ACYP2: variants seen among roughly 807,000 people sequenced by gnomAD.
ACYP2 encodes the protein acylphosphatase 2.
A neutral mutation model predicts 11.2 loss-of-function variants in ACYP2; 12 were observed. That is an observed-to-expected ratio of 1.08 (90% confidence interval 0.69 to 1.74). The LOEUF (loss-of-function observed/expected upper bound fraction) is 1.74. Among genes scored for constraint, ACYP2 ranks in the 40% most tolerant of loss-of-function variants. The pLI is 0.00. For missense variants in ACYP2, 134 were observed against 101.9 expected (o/e 1.31, Z -1.35); for synonymous variants, 43 against 32.2 (o/e 1.33, Z -1.13).
chr2:54,278,843 C>A (rs1688727059), intron 6 of ACYP2, among the ~76,000 whole-genome samples: 1 of 152,158 alleles, frequency 6.6e-6, no homozygotes, highest in Non-Finnish European at 1.5e-5. Flanking sequence ...TAAATAATGT[C>A]AGTATATAGA....
At chr2:54,271,340 C>T (rs780508191) in intron 6 of ACYP2, among the ~76,000 whole-genome samples, 1 of 152,220 alleles carries the variant, frequency 6.6e-6, no homozygotes, top group Non-Finnish European at 1.5e-5. Flanking sequence ...AGATTTAAGA[C>T]TTCCCCAATT....
intron 6 of ACYP2, among the ~76,000 whole-genome samples, chr2:54,257,379 T>G (rs917981251): frequency 1.3e-5 from 2 of 152,192 alleles, no homozygotes; most frequent in African/African-American, 4.8e-5. Context: ...TCTTTCCCCA[T>G]GCATAGGTTT....
intron 2 of ACYP2, among the ~76,000 whole-genome samples, chr2:54,005,745 G>A (rs1015742039): frequency 1.3e-5 from 2 of 152,200 alleles, no homozygotes; most frequent in Non-Finnish European, 2.9e-5. Flanking sequence ...GTAAAGTCTT[G>A]AAATCAGGTA....
chr2:54,217,760 G>GT (rs1360011770), intron 6 of ACYP2, among the ~76,000 whole-genome samples: 1 of 152,164 alleles, frequency 6.6e-6, no homozygotes, highest in Non-Finnish European at 1.5e-5. Context: ...TTAAAAAAAA[G>GT]TAAGAGTATT....
intron 4 of ACYP2, chr2:54,065,591 A>G (rs1415183782): frequency 2.5e-6 from 1 of 398,388 alleles, no homozygotes; most frequent in South Asian, 1.3e-4. Context: ...TTGATTCAAC[A>G]GATCCCTGGG....
chr2:54,063,131 T>C (rs1676558108), intron 4 of ACYP2, among the ~76,000 whole-genome samples: 1 of 151,838 alleles, frequency 6.6e-6, no homozygotes, highest in African/African-American at 2.4e-5. Context: ...AAAATAATAA[T>C]AATAATTTAT....
chr2:54,205,616 A>G (rs914070564), intron 6 of ACYP2, among the ~76,000 whole-genome samples: 1 of 152,178 alleles, frequency 6.6e-6, no homozygotes, highest in African/African-American at 2.4e-5. Flanking sequence ...GATGGTAAAG[A>G]CCCATCTCTT....
At chr2:54,106,389 T>C (rs1572765185) in intron 4 of ACYP2, among the ~76,000 whole-genome samples, 1 of 152,004 alleles carries the variant, frequency 6.6e-6, no homozygotes, top group South Asian at 2.1e-4. Flanking sequence ...TGAGTAAGGA[T>C]GAAAAGTAAA....
At chr2:53,982,335 A>G (rs1332658913) in intron 2 of ACYP2, among the ~76,000 whole-genome samples, 1 of 152,212 alleles carries the variant, frequency 6.6e-6, no homozygotes, top group Non-Finnish European at 1.5e-5. Flanking sequence ...ACAGACACAT[A>G]AAAGGTATAA....
chr2:54,168,934 GA>G (rs1683119255), intron 6 of ACYP2, among the ~76,000 whole-genome samples: 1 of 152,182 alleles, frequency 6.6e-6, no homozygotes, highest in Non-Finnish European at 1.5e-5. Context: ...CAACTGAGGT[GA>G]AACACTGGTA....
At chr2:54,193,451 G>A (rs944034203) in intron 6 of ACYP2, among the ~76,000 whole-genome samples, 1 of 152,122 alleles carries the variant, frequency 6.6e-6, no homozygotes, top group African/African-American at 2.4e-5. Flanking sequence ...GCTGGGATGA[G>A]CTCCCAGAGC....
chr2:54,041,859 C>T (rs911493070), intron 2 of ACYP2, among the ~76,000 whole-genome samples: 1 of 152,044 alleles, frequency 6.6e-6, no homozygotes, highest in Non-Finnish European at 1.5e-5. Flanking sequence ...GGCACGATCA[C>T]AGCTCACTGC....
intron 6 of ACYP2, among the ~76,000 whole-genome samples, chr2:54,278,520 C>T (rs1005154973): frequency 3.3e-5 from 5 of 152,066 alleles, no homozygotes; most frequent in African/African-American, 9.7e-5. Flanking sequence ...CCTGGCTCAG[C>T]GAGTTGGAAT....
intron 5 of ACYP2, among the ~76,000 whole-genome samples, chr2:54,136,687 G>A (rs1364558448): frequency 6.6e-6 from 1 of 152,074 alleles, no homozygotes; most frequent in African/African-American, 2.4e-5. Flanking sequence ...TTTTTGAAAA[G>A]TTCTAAGGCC....
chr2:54,039,403 C>T lies in ACYP2; in HGVS notation c.63-11555C>T, dbSNP rs1036853438. Among the ~76,000 whole-genome samples the T allele has an allele frequency of 1.1e-4, 17 of 151,774 alleles. No homozygotes were observed. In the East Asian group the frequency reaches 3.1e-3, roughly 28 times the overall value. On this transcript the variant is annotated intron_variant, in intron 2 of 6. Coordinates refer to ENST00000607452, the MANE Select transcript of ACYP2 (RefSeq NM_001320586.2). ...GCCTCCCAGGCTCAAGCGATCCTCC[C>T]GCCTCAGCCTCCCTAGTAGCTGGGA...
At chr2:54,127,790 C>T (rs1075265) in intron 4 of ACYP2, among the ~76,000 whole-genome samples, 3 of 149,360 alleles carry the variant, frequency 2.0e-5, no homozygotes, top group Non-Finnish European at 2.9e-5. Context: ...AATTTCATCA[C>T]CTGGAAGGAA....
chr2:54,116,036 A>T (rs952163189), intron 4 of ACYP2, among the ~76,000 whole-genome samples: 9 of 152,182 alleles, frequency 5.9e-5, no homozygotes, highest in African/African-American at 2.2e-4. Flanking sequence ...TGGGTGCGGG[A>T]GTAAGCGGCA....
intron 6 of ACYP2, among the ~76,000 whole-genome samples, chr2:54,296,585 C>A (rs1689532978): frequency 6.6e-6 from 1 of 152,120 alleles, no homozygotes; most frequent in Non-Finnish European, 1.5e-5. Context: ...TTGTCTCCAC[C>A]ACTGTTTATG....
chr2:54,087,409 G>A (rs960738958), intron 4 of ACYP2, among the ~76,000 whole-genome samples: 4 of 151,832 alleles, frequency 2.6e-5, no homozygotes, highest in Non-Finnish European at 5.9e-5. Flanking sequence ...TTACAGTGGC[G>A]CCATCATGGC....
Sources: gnomAD v4.1 joint callset for allele counts (sites outside exome capture counted in the v4.1 genomes callset) on GRCh38, gnomAD v4.1.1 for gene constraint, MANE v1.5 for transcripts, NCBI Gene and HGNC (gene_info 2026-07-23, HGNC 2026-07-21) for gene names.